RABGGTB: variants seen among roughly 807,000 people sequenced by gnomAD.
The protein encoded by RABGGTB is geranylgeranyl transferase type-2 subunit beta.
A neutral mutation model predicts 44.5 loss-of-function variants in RABGGTB; 20 were observed. The ratio of observed to expected loss-of-function variants is 0.45; its 90% CI spans 0.32 to 0.65. RABGGTB has a LOEUF of 0.65. Ranked by LOEUF, RABGGTB falls within the 30% of genes least tolerant of loss-of-function variation. The pLI is 0.05. For synonymous variants in RABGGTB, 128 were observed against 136.7 expected, an observed-to-expected ratio of 0.94 and a Z score of 0.44; for missense variants, 302 against 398.7, an observed-to-expected ratio of 0.76 and a Z score of 2.06.
intron 6 of RABGGTB, 175 bp from the exon 7 acceptor site, chr1:75,792,006 G>C (rs1649657773): frequency 8.7e-6 from 5 of 572,842 alleles, no homozygotes; most frequent in Admixed American, 3.0e-5. Context: ...TTGCATACTA[G>C]TAATAGTATG....
Position 75,790,019 on chromosome 1 carries a change from T to G in RABGGTB, c.377T>G (p.Leu126Arg). 6.2e-7 allele frequency: 1 copy of G among 1,613,268 alleles called. No homozygotes were observed. The highest frequency in any genetic ancestry group is 8.5e-7 in the Non-Finnish European group (1 of 1,179,426). Residue 126 changes from leucine (L) to arginine (R), a missense_variant, in exon 4 of 9, where the codon CTA becomes CGA. Around this residue, in one of 2 missense-constraint regions of RABGGTB, gnomAD observed 213 missense variants for 323.7 expected, o/e 0.66. Coordinates refer to ENST00000319942, the MANE Select transcript of RABGGTB (RefSeq NM_004582.4). ...AAAGTTGTGGAATATGTTAAAGGTC[T>G]ACAGAAAGAAGATGGTTCTTTTGCT... ...VNKVVEYVKG[L>R]QKEDGSFAGD...
Position 75,792,266 on chromosome 1 carries a change from G to A in RABGGTB, c.665G>A (p.Arg222Gln). 1 of 1,614,010 alleles carries A rather than the reference G, an allele frequency of 6.2e-7. No homozygotes were observed. Among genetic ancestry groups the A allele is most frequent in the Non-Finnish European group, 8.5e-7 (1 of 1,179,950 alleles). ...SDLLGWWLCE[R>Q]QLPSGGLNGR... is the part of the protein sequence containing the mutation. ...TTACTTGGCTGGTGGCTTTGTGAACGACAATTACCCTCAGGCGGGCTCAAT... is the reference window on the plus strand; with the variant it reads ...TTACTTGGCTGGTGGCTTTGTGAACAACAATTACCCTCAGGCGGGCTCAAT... Residue 222 changes from arginine to glutamine, a missense_variant, in exon 7 of 9, where the codon CGA (arginine) becomes CAA (glutamine). Transcript: ENST00000319942.
rs1348159638 is a variant in RABGGTB, at chr1:75,794,729, A to G, written c.*79A>G. ...ATTTGAAGTGCTTATCGAATCTAAA[A>G]GTGACTACTGTTAATATTTTGTATA... is the stretch of plus-strand genomic sequence containing the variant. On this transcript the variant is annotated 3_prime_UTR_variant, in exon 9 of 9. Transcript: ENST00000319942. The G allele has an allele frequency of 8.5e-7, 1 of 1,178,168 alleles. No homozygotes were observed. Among genetic ancestry groups the G allele is most frequent in the Admixed American group, 2.6e-5 (1 of 38,168 alleles). 73.0% of individuals were successfully genotyped at this position (1,178,168 alleles called of 1,614,324 possible).
chr1:75,791,265 T>A lies in RABGGTB; in HGVS notation c.416-20T>A. On this transcript the variant is annotated intron_variant, in intron 4 of 8. Transcript: ENST00000319942. ...ATGATTTGGTAACACCTGCCTTGAT[T>A]TGATCTATTTTTATTGTAGGAGAAA... 5 of 1,596,906 alleles carry A rather than the reference T, an allele frequency of 3.1e-6. No homozygotes were observed. The highest frequency in any genetic ancestry group is 4.3e-6 in the Non-Finnish European group (5 of 1,164,318).
At chr1:75,790,189 C>G in intron 4 of RABGGTB, 132 bp downstream of exon 4, 1 of 1,477,798 alleles carries the variant, frequency 6.8e-7, no homozygotes, top group Non-Finnish European at 8.9e-7. Flanking sequence ...AGTTAATGGT[C>G]TGCTGGAACT....
In RABGGTB at chr1:75,794,943, C is replaced by G; in HGVS notation, c.*293C>G. 1 of 183,258 alleles carries G rather than the reference C, an allele frequency of 5.5e-6. No homozygotes were observed. The highest frequency in any genetic ancestry group is 1.1e-5 in the Non-Finnish European group (1 of 88,378). 11.4% of individuals were successfully genotyped at this position (183,258 alleles called of 1,614,324 possible). A position where few individuals can be genotyped will look rare whatever the true frequency, so the allele number is the denominator to read the frequency against. ...AACTCTAGGTTTCTACTTGATTTTT[C>G]CCCCATGTATACCTTTCATCTGTTC... On this transcript the variant is annotated 3_prime_UTR_variant, in exon 9 of 9. Transcript: ENST00000319942.
intron 7 of RABGGTB, among the ~76,000 whole-genome samples, chr1:75,792,700 G>T (rs1216144693): frequency 3.9e-5 from 6 of 152,174 alleles, no homozygotes; most frequent in African/African-American, 1.4e-4. Flanking sequence ...CTCTTATCAG[G>T]TCTGTAAGGG....
rs1649647823 is a variant in RABGGTB at position 75,791,552 on chromosome 1, C to G, written c.560C>G (p.Ser187Cys). 6.2e-7 allele frequency: 1 copy of G among 1,611,452 alleles called. No homozygotes were observed. The highest frequency in any genetic ancestry group is 2.2e-5 in the East Asian group (1 of 44,864). The change falls in exon 6 of 9, where the codon TCT becomes TGT. Residue 187 changes from serine to cysteine, a missense_variant. Physicochemically the swap from Ser to Cys is moderately radical, Grantham distance 112 (BLOSUM62 -1). Transcript: ENST00000319942. ...FDGGFGCRPG[S>C]ESHAGQIYCC... ...GGTGGATTTGGTTGCAGACCAGGTT[C>G]TGAATCCCATGCTGGGCAGGTAATT...
chr1:75,789,028 A>C, intron 2 of RABGGTB, 131 bp from the exon 3 acceptor site: 40 of 709,212 alleles, frequency 5.6e-5, no homozygotes, highest in Non-Finnish European at 8.9e-5. Context: ...TAAACTCACT[A>C]CTGATCAGTG....
At chr1:75,793,962 C>T in intron 7 of RABGGTB, 122 bp from the exon 8 acceptor site, 4 of 1,039,970 alleles carry the variant, frequency 3.8e-6, no homozygotes, top group Admixed American at 2.5e-5. Flanking sequence ...TTCGTCCTTC[C>T]ACATGGTTTG....
In RABGGTB at chr1:75,789,457, C is replaced by T. The variant is rs753541422; in HGVS notation, c.309+101C>T. ...AGGATTTGGTCAAAAAGTTTTGTTA[C>T]AAGTGAAGCTGTCCTACAAGGTCAA... is the stretch of plus-strand genomic sequence containing the variant. On this transcript the variant is annotated intron_variant, in intron 3 of 8. Transcript: ENST00000319942. 1.5e-5 allele frequency: 18 copies of T among 1,185,262 alleles called. No homozygotes were observed. The African/African-American group carries it at 2.3e-4, about 15-fold the overall frequency. 73.4% of individuals were successfully genotyped at this position (1,185,262 alleles called of 1,614,324 possible). A position where few individuals can be genotyped will look rare whatever the true frequency, so the allele number is the denominator to read the frequency against.
At chr1:75,790,198 C>T (rs909767375) in intron 4 of RABGGTB, 141 bp downstream of exon 4, 3 of 1,466,602 alleles carry the variant, frequency 2.0e-6, no homozygotes, top group South Asian at 2.9e-5. Flanking sequence ...TCTGCTGGAA[C>T]TTCCAGCATG....
At chr1:75,786,247 C>A (rs1317413949), upstream of RABGGTB, 8 of 1,614,036 alleles carry the variant, frequency 5.0e-6, no homozygotes, top group East Asian at 6.7e-5. Flanking sequence ...GGAACTGACC[C>A]TGCTCTCTCC....
chr1:75,786,691 C>CTGTTATAGGTCA (rs1649497168), intron 1 of RABGGTB: 1 of 262,812 alleles, frequency 3.8e-6, no homozygotes, highest in Non-Finnish European at 7.4e-6. Flanking sequence ...TCTTCATGAC[C>CTGTTATAGGTCA]TGTTATAGTG....
intron 1 of RABGGTB, chr1:75,786,561 C>CTT: frequency 2.4e-5 from 9 of 368,448 alleles, no homozygotes; most frequent in East Asian, 4.4e-5. Flanking sequence ...TGATTGGTGG[C>CTT]TTTTTTTTTT....
Position 75,794,198 on chromosome 1 carries a change from G to A in RABGGTB, c.820G>A (p.Glu274Lys), listed in dbSNP as rs752724989. Residue 274 changes from glutamate (E) to lysine (K), a missense_variant, in exon 8 of 9, where the codon GAA (glutamate) becomes AAA (lysine). Around this residue, in one of 2 missense-constraint regions of RABGGTB, gnomAD observed 213 missense variants for 323.7 expected, o/e 0.66. Transcript: ENST00000319942. Reference sequence around the variant, plus strand: ...TTTCATTTTAGCATGTCAAGATGAAGAAACGGGGGGATTTGCAGACAGGCC... The same window carrying A: ...TTTCATTTTAGCATGTCAAGATGAAAAAACGGGGGGATTTGCAGACAGGCC... ...RNFILACQDE[E>K]TGGFADRPGD... 6 of 1,613,466 alleles carry A rather than the reference G, an allele frequency of 3.7e-6. No individual in the cohort carries two copies. Among genetic ancestry groups the A allele is most frequent in the Non-Finnish European group, 5.1e-6 (6 of 1,179,660 alleles).
At chr1:75,788,686 T>C (rs1649562991) in intron 2 of RABGGTB, 1 of 157,700 alleles carries the variant, frequency 6.3e-6, no homozygotes, top group Admixed American at 6.0e-5. Flanking sequence ...TAGCCACTGT[T>C]TTATCTGGGC....
At chr1:75,788,367 G>C (rs1451274672) in intron 2 of RABGGTB, 2 of 158,478 alleles carry the variant, frequency 1.3e-5, no homozygotes, top group Non-Finnish European at 2.8e-5. Flanking sequence ...ACAGCGGTGC[G>C]ATCTGGGCTC....
At chr1:75,787,735 G>A (rs2100483167) in intron 2 of RABGGTB, 131 bp downstream of exon 2, 1 of 748,288 alleles carries the variant, frequency 1.3e-6, no homozygotes, top group Non-Finnish European at 2.3e-6. Context: ...CTGTGCCTTT[G>A]AACTTCAGTT....
Sources: allele counts gnomAD v4.1 joint callset (sites outside exome capture counted in the v4.1 genomes callset), GRCh38; gene constraint gnomAD v4.1.1; regional missense constraint gnomAD v4.1.1; transcripts MANE v1.5; gene names NCBI Gene and HGNC (gene_info 2026-07-23, HGNC 2026-07-21).